The following DOCK1 variants were observed in gnomAD, a reference collection of about 807,000 sequenced individuals.
DOCK1 encodes the protein dedicator of cytokinesis protein 1.
A neutral mutation model predicts 262.7 loss-of-function variants in DOCK1; 138 were observed. That is an observed-to-expected ratio of 0.53 (90% CI 0.46 to 0.61). DOCK1 has a LOEUF of 0.61. Ranked by LOEUF, DOCK1 falls within the 20% of genes least tolerant of loss-of-function variation. The pLI, the probability that DOCK1 is intolerant of heterozygous loss-of-function variation, is 0.00. For missense variants in DOCK1, 1,908 were observed against 2,370.7 expected (o/e 0.80, Z 4.05); for synonymous variants, 866 against 867.4 (o/e 1.00, Z 0.03).
intron 29 of DOCK1, among the ~76,000 whole-genome samples, chr10:127,315,412 A>G (rs2062232872): frequency 6.6e-6 from 1 of 151,914 alleles, no homozygotes; most frequent in Admixed American, 6.5e-5. Context: ...TATAGCAAGA[A>G]GAGACTAGGA....
chr10:127,202,337 G>T (rs1322302430), intron 27 of DOCK1, among the ~76,000 whole-genome samples: 6 of 150,852 alleles, frequency 4.0e-5, no homozygotes, highest in African/African-American at 1.5e-4. Flanking sequence ...AAAAAAAAAA[G>T]AACTAGGACA....
In DOCK1 at chr10:127,032,137, G is replaced by A. The variant is rs1242213957; in HGVS notation, c.1729G>A (p.Ala577Thr). 1.9e-6 allele frequency: 3 copies of A among 1,585,290 alleles called. No individual in the cohort carries two copies. The highest frequency in any genetic ancestry group is 2.3e-5 in the South Asian group (2 of 86,598). ...DGEHDLIVYKAEAKKLEDAAT... is the reference protein window; with the variant it reads ...DGEHDLIVYKTEAKKLEDAAT... ...ACATACGGCATGACTAAATCCACAG[G>A]CCGAAGCAAAGAAGCTGGAAGATGC... is the stretch of plus-strand genomic sequence containing the variant. Residue 577 changes from alanine (A) to threonine (T), a missense_variant and splice_region_variant, in exon 18 of 52, where the codon GCC becomes ACC. Ala to Thr is a moderately conservative substitution (Grantham distance 58). Transcript: ENST00000623213.
chr10:126,998,062 G>T, intron 7 of DOCK1, 30 bp from the exon 8 acceptor site: 1 of 1,612,550 alleles, frequency 6.2e-7, no homozygotes, highest in Non-Finnish European at 8.5e-7. Flanking sequence ...GTGTTGCTGG[G>T]GTTGACTTTC....
At chr10:127,011,086 T>G (rs1280947691) in intron 11 of DOCK1, among the ~76,000 whole-genome samples, 1 of 152,254 alleles carries the variant, frequency 6.6e-6, no homozygotes, top group Admixed American at 6.5e-5. Context: ...TATCTTGTAG[T>G]GGAATGTCCA....
At chr10:127,440,369 A>G (rs1298144577) in intron 49 of DOCK1, among the ~76,000 whole-genome samples, 1 of 152,154 alleles carries the variant, frequency 6.6e-6, no homozygotes, top group East Asian at 1.9e-4. Flanking sequence ...TCCGAGCTGT[A>G]TCAGAGTCTG....
At chr10:127,379,971 G>A (rs780132616) in intron 35 of DOCK1, 111 bp from the exon 36 acceptor site, 5 of 737,374 alleles carry the variant, frequency 6.8e-6, no homozygotes, top group South Asian at 1.6e-5. Context: ...AAAGAGCTGG[G>A]TCCATTTGGC....
intron 29 of DOCK1, among the ~76,000 whole-genome samples, chr10:127,320,672 A>G (rs1278109799): frequency 6.6e-6 from 1 of 152,198 alleles, no homozygotes; most frequent in East Asian, 1.9e-4. Context: ...CAATGGTAGT[A>G]AGGTGGCAGA....
chr10:127,408,612 A>T (rs138437119), intron 40 of DOCK1, among the ~76,000 whole-genome samples: 1,912 of 152,376 alleles, frequency 0.013, 22 homozygotes, highest in Non-Finnish European at 0.019. Context: ...CAACTTCATT[A>T]GGGCCTACCT....
intron 32 of DOCK1, among the ~76,000 whole-genome samples, chr10:127,358,326 T>C (rs576540054): frequency 6.6e-6 from 1 of 151,878 alleles, no homozygotes; most frequent in East Asian, 1.9e-4. Flanking sequence ...TGGGACAGAG[T>C]GATGTGTTTC....
chr10:127,183,930 AAGT>A (rs1238579412), intron 27 of DOCK1, among the ~76,000 whole-genome samples: 1 of 152,048 alleles, frequency 6.6e-6, no homozygotes, highest in African/African-American at 2.4e-5. Context: ...GCATGATAAT[AAGT>A]AGCTACTTTT....
chr10:127,409,541 G>A lies in DOCK1; in HGVS notation c.4343+150G>A, dbSNP rs996182286. 3.3e-5 allele frequency: 27 copies of A among 823,648 alleles called. No individual in the cohort carries two copies. The African/African-American group carries it at 4.5e-4, about 14-fold the overall frequency. 51.0% of individuals were successfully genotyped at this position (823,648 alleles called of 1,614,324 possible). A position where few individuals can be genotyped will look rare whatever the true frequency, so the allele number is the denominator to read the frequency against. On this transcript the variant is annotated intron_variant, in intron 42 of 51. Coordinates refer to ENST00000623213, the MANE Select transcript of DOCK1 (RefSeq NM_001290223.2). ...CTGTCCTCTTTGAAGAGCAAGGGAAGCTAATTATTTTCAGCATCCAAAAAA... is the reference window on the plus strand; with the variant it reads ...CTGTCCTCTTTGAAGAGCAAGGGAAACTAATTATTTTCAGCATCCAAAAAA...
At chr10:127,009,861 C>T (rs764845148) in intron 11 of DOCK1, among the ~76,000 whole-genome samples, 3 of 151,726 alleles carry the variant, frequency 2.0e-5, no homozygotes, top group African/African-American at 2.4e-5. Flanking sequence ...TGGACCACCG[C>T]GCTCAACCCC....
At chr10:127,108,015 G>A (rs1039534956) in intron 24 of DOCK1, among the ~76,000 whole-genome samples, 1 of 152,222 alleles carries the variant, frequency 6.6e-6, no homozygotes, top group Non-Finnish European at 1.5e-5. Flanking sequence ...TGTGCTTGGA[G>A]GTCCTAGGAA....
chr10:127,052,563 C>A, intron 21 of DOCK1, 118 bp from the exon 22 acceptor site: 2 of 1,357,230 alleles, frequency 1.5e-6, no homozygotes, highest in Non-Finnish European at 1.0e-6. Context: ...TACAGATATT[C>A]ATATACTGAT....
intron 39 of DOCK1, among the ~76,000 whole-genome samples, chr10:127,403,619 C>T (rs1376251294): frequency 2.0e-5 from 3 of 152,150 alleles, no homozygotes; most frequent in African/African-American, 4.8e-5. Flanking sequence ...AGTAGCCGGG[C>T]GTGGTAGCAC....
At chr10:127,393,874 G>A (rs1358594957) in intron 38 of DOCK1, among the ~76,000 whole-genome samples, 1 of 149,878 alleles carries the variant, frequency 6.7e-6, no homozygotes, top group Non-Finnish European at 1.5e-5. Flanking sequence ...ATTCTTTTAC[G>A]TTTCCTCCTT....
At chr10:126,968,128 G>T (rs1160155213) in intron 1 of DOCK1, among the ~76,000 whole-genome samples, 1 of 152,072 alleles carries the variant, frequency 6.6e-6, no homozygotes. Flanking sequence ...GCCACACCCG[G>T]CCAAGATGCT....
intron 29 of DOCK1, among the ~76,000 whole-genome samples, chr10:127,288,042 C>T (rs1052530745): frequency 1.3e-5 from 2 of 152,166 alleles, no homozygotes; most frequent in African/African-American, 4.8e-5. Context: ...AAATGCTTGT[C>T]TCTTTCATTT....
intron 50 of DOCK1, among the ~76,000 whole-genome samples, chr10:127,445,425 T>C (rs946086419): frequency 6.6e-6 from 1 of 152,182 alleles, no homozygotes; most frequent in African/African-American, 2.4e-5. Flanking sequence ...CAGGAGTGGA[T>C]GCGTGAGTCT....
Sources: allele counts gnomAD v4.1 joint callset (sites outside exome capture counted in the v4.1 genomes callset), GRCh38; gene constraint gnomAD v4.1.1; transcripts MANE v1.5; gene names NCBI Gene and HGNC (gene_info 2026-07-23, HGNC 2026-07-21).